The following RBFOX1 variants were observed in gnomAD, a reference collection of about 807,000 sequenced individuals.
The protein encoded by RBFOX1 is RNA binding protein fox-1 homolog 1.
In RBFOX1, 8 loss-of-function variants were observed where a neutral mutation model predicts 57.7. The observed-to-expected ratio is 0.14, with a 90% CI of 0.08 to 0.25. The LOEUF is 0.25. RBFOX1 is among the 10% of genes least tolerant of loss of function. RBFOX1 has a pLI of 1.00. For synonymous variants in RBFOX1, 326 were observed against 222.4 expected, an observed-to-expected ratio of 1.47 and a Z score of -4.15; for missense variants, 611 against 548.5, an observed-to-expected ratio of 1.11 and a Z score of -1.14.
intron 2 of RBFOX1, among the ~76,000 whole-genome samples, chr16:6,525,443 T>C (rs888156274): frequency 3.9e-5 from 6 of 152,164 alleles, no homozygotes; most frequent in African/African-American, 1.4e-4. Flanking sequence ...CTATAAGGTA[T>C]CTTAAAAGTC....
At chr16:7,323,740 A>G (rs191720995) in intron 4 of RBFOX1, among the ~76,000 whole-genome samples, 80 of 152,360 alleles carry the variant, frequency 5.3e-4, no homozygotes, top group African/African-American at 1.7e-3. Context: ...TGTCTGGCAC[A>G]TAGTAAGCAT....
intron 3 of RBFOX1, among the ~76,000 whole-genome samples, chr16:6,688,825 C>G (rs2059811265): frequency 6.6e-6 from 1 of 152,110 alleles, no homozygotes; most frequent in African/African-American, 2.4e-5. Flanking sequence ...GTGTGATGTT[C>G]TCCTCCCTGT....
At chr16:6,143,368 T>G (rs974964307) in intron 1 of RBFOX1, among the ~76,000 whole-genome samples, 1 of 152,250 alleles carries the variant, frequency 6.6e-6, no homozygotes, top group Admixed American at 6.5e-5. Context: ...TTGACCATTA[T>G]GTTCATAAGT....
rs146707136 is a variant in RBFOX1 at position 7,285,199 on chromosome 16, T to C, written c.28-232948T>C. Among the ~76,000 whole-genome samples the C allele has an allele frequency of 4.4e-3, 665 of 150,542 alleles. 2 individuals are homozygous for C. The highest frequency in any genetic ancestry group is 0.015 in the African/African-American group (629 of 40,950). On this transcript the variant is annotated intron_variant, in intron 4 of 15. Transcript: ENST00000550418. ...TTTTTAATTGGAATTTTTATTGAGA[T>C]AATTGCAGATTCACATGCAGCTGTA...
chr16:7,517,135 T>G (rs922109245), intron 4 of RBFOX1, among the ~76,000 whole-genome samples: 18 of 124,822 alleles, frequency 1.4e-4, no homozygotes, highest in African/African-American at 5.5e-4. Flanking sequence ...CAATTTCTTA[T>G]GCCGTGTGTG....
At chr16:5,675,989 AAAG>A (rs1279541815) in intron 3 of RBFOX1, among the ~76,000 whole-genome samples, 10 of 152,208 alleles carry the variant, frequency 6.6e-5, no homozygotes, top group African/African-American at 1.9e-4. Flanking sequence ...TCATTTAAAA[AAAG>A]AAGGCATCGC....
intron 4 of RBFOX1, among the ~76,000 whole-genome samples, chr16:7,507,784 C>T (rs552447543): frequency 1.1e-4 from 17 of 151,874 alleles, no homozygotes; most frequent in Non-Finnish European, 2.1e-4. Context: ...AGGACGGTCT[C>T]GATGTCCTGA....
Position 5,402,352 on chromosome 16 carries a change from C to G in RBFOX1, c.220-64864C>G, listed in dbSNP as rs140831699. 8.5e-5 allele frequency among the ~76,000 whole-genome samples: 13 copies of G among 152,254 alleles called. No individual in the cohort carries two copies. In the East Asian group the frequency reaches 2.3e-3, roughly 27 times the overall value. ...AGACATAGTGCTGGGGGTCCATGCA[C>G]GCATGCACATAGGCCAGCCTTGTGG... On this transcript the variant is annotated intron_variant, in intron 1 of 2. Coordinates refer to the RBFOX1 transcript ENST00000585867.
chr16:5,898,018 G>A (rs1030514248), intron 4 of RBFOX1, among the ~76,000 whole-genome samples: 2 of 152,110 alleles, frequency 1.3e-5, no homozygotes, highest in African/African-American at 2.4e-5. Context: ...AATTTATAAG[G>A]AAAGAGGTTT....
rs534781202 is a variant in RBFOX1 at position 7,256,955 on chromosome 16, C to T, written c.27+204857C>T. Among the ~76,000 whole-genome samples, 32 of 152,218 alleles carry T rather than the reference C, an allele frequency of 2.1e-4. 1 individual carries two copies. In the Middle Eastern group the frequency reaches 0.01, roughly 49 times the overall value. ...ATGGGAAACAGCCTTTCTGTTTCTC[C>T]TGTGGCATGTGTCATGGCTGGCATT... On this transcript the variant is annotated intron_variant, in intron 4 of 15. Transcript: ENST00000550418.
intron 3 of RBFOX1, among the ~76,000 whole-genome samples, chr16:6,815,481 A>T (rs1033010890): frequency 1.3e-5 from 2 of 152,174 alleles, no homozygotes; most frequent in African/African-American, 4.8e-5. Flanking sequence ...CCATTAAAAG[A>T]TGTTAAGGAG....
chr16:6,440,583 C>A (rs1416619947), intron 2 of RBFOX1, among the ~76,000 whole-genome samples: 1 of 152,024 alleles, frequency 6.6e-6, no homozygotes, highest in African/African-American at 2.4e-5. Flanking sequence ...AGGCGGATCA[C>A]GAGGTCAAAG....
chr16:5,802,041 C>T (rs914012252), intron 3 of RBFOX1, among the ~76,000 whole-genome samples: 19 of 152,082 alleles, frequency 1.2e-4, no homozygotes, highest in Admixed American at 2.6e-4. Context: ...GACGGGGCCT[C>T]TTTATAGATT....
intron 3 of RBFOX1, among the ~76,000 whole-genome samples, chr16:7,035,097 C>G (rs1029671157): frequency 3.3e-5 from 5 of 151,810 alleles, no homozygotes; most frequent in African/African-American, 4.8e-5. Context: ...ATCCACCCGT[C>G]TTGGCCTCCC....
At chr16:5,960,217 G>GA (rs1412481863) in intron 4 of RBFOX1, among the ~76,000 whole-genome samples, 1 of 151,716 alleles carries the variant, frequency 6.6e-6, no homozygotes, top group Non-Finnish European at 1.5e-5. Context: ...AAGAAAGAAA[G>GA]AAAAAAAGAA....
intron 2 of RBFOX1, among the ~76,000 whole-genome samples, chr16:6,585,163 C>T (rs564358227): frequency 2.0e-5 from 3 of 152,152 alleles, no homozygotes; most frequent in African/African-American, 7.2e-5. Context: ...TATTCCAAGG[C>T]AGTGCCAGGA....
At chr16:6,552,745 A>G (rs1474545193) in intron 2 of RBFOX1, among the ~76,000 whole-genome samples, 15 of 152,188 alleles carry the variant, frequency 9.9e-5, no homozygotes. Context: ...TTATACCAAA[A>G]ATTATATAGA....
At position 6,457,444 on chromosome 16, in the gene RBFOX1, C is replaced by CCCA. The variant is rs1555484706; in HGVS notation, c.-64+140389_-64+140390insACC. Among the ~76,000 whole-genome samples, 122 of 132,936 alleles carry CCCA rather than the reference C, an allele frequency of 9.2e-4. 3 individuals are homozygous for CCCA. The highest frequency in any genetic ancestry group is 3.0e-3 in the African/African-American group (114 of 37,388). 87.2% of individuals were successfully genotyped at this position (132,936 alleles called of 152,430 possible). On this transcript the variant is annotated intron_variant, in intron 2 of 15. Transcript: ENST00000550418. ...GACTGTGAATTTCCGGAAGTCCCCC[C>CCCA]CCCCGCAATAGCTTTGATTTGACAT... is the stretch of plus-strand genomic sequence containing the variant.
At chr16:6,646,956 G>A (rs988579478) in intron 2 of RBFOX1, among the ~76,000 whole-genome samples, 1 of 152,160 alleles carries the variant, frequency 6.6e-6, no homozygotes, top group African/African-American at 2.4e-5. Context: ...CTTACAGGTC[G>A]TCTGGGAACC....
Sources: allele counts gnomAD v4.1 joint callset (sites outside exome capture counted in the v4.1 genomes callset), GRCh38; gene constraint gnomAD v4.1.1; transcripts MANE v1.5; gene names NCBI Gene and HGNC (gene_info 2026-07-23, HGNC 2026-07-21).